The following GDPD4 variants were observed in gnomAD, a reference collection of about 807,000 sequenced individuals.
GDPD4 encodes the protein glycerophosphodiester phosphodiesterase 6.
A neutral mutation model predicts 67.8 loss-of-function variants in GDPD4; 60 were observed. The ratio of observed to expected loss-of-function variants is 0.88; its 90% CI spans 0.72 to 1.10. The LOEUF (loss-of-function observed/expected upper bound fraction) is 1.10, where lower values mean the gene tolerates loss of function less well. Among genes scored for constraint, GDPD4 ranks in the 50% least tolerant of loss-of-function variants. The pLI is 0.00. For missense variants in GDPD4, 623 were observed against 613.9 expected (o/e 1.01, Z -0.16); for synonymous variants, 212 against 210.9 (o/e 1.00, Z -0.04).
At position 77,258,507 on chromosome 11, in the gene GDPD4, T is replaced by A; in HGVS notation, c.743A>T (p.Asp248Val). Residue 248 changes from aspartate (D) to valine (V), a missense_variant, in exon 11 of 17, where the codon GAC becomes GTC. Coordinates refer to ENST00000315938, the MANE Select transcript of GDPD4 (RefSeq NM_182833.3). ...CCCAATATTGGTTGTTCTTTTCAGG[T>A]CAAAGTCATGCATGAGGAAAGGCAC... ...DHVPFLMHDF[D>V]LKRTTNIGEV... is the part of the protein sequence containing the mutation. The A allele has an allele frequency of 1.2e-6, 2 of 1,613,926 alleles. No individual in the cohort carries two copies. The highest frequency in any genetic ancestry group is 1.7e-6 in the Non-Finnish European group (2 of 1,179,886).
At chr11:77,286,549 C>A (rs188857766) in intron 2 of GDPD4, among the ~76,000 whole-genome samples, 13 of 152,274 alleles carry the variant, frequency 8.5e-5, no homozygotes, top group Non-Finnish European at 1.6e-4. Flanking sequence ...AATTAATGAC[C>A]CAACTGGTCT....
chr11:77,268,678 C>A, intron 9 of GDPD4, 139 bp from the exon 10 acceptor site: 2 of 763,470 alleles, frequency 2.6e-6, no homozygotes, highest in Non-Finnish European at 4.5e-6. Context: ...ACCTGTATAC[C>A]CTCCGTCCAA....
intron 5 of GDPD4, 37 bp downstream of exon 5, chr11:77,276,124 T>A: frequency 6.6e-7 from 1 of 1,512,360 alleles, no homozygotes. Flanking sequence ...GGTTCAGTCC[T>A]GGTCTAAGGT....
intron 8 of GDPD4, among the ~76,000 whole-genome samples, chr11:77,269,549 C>T (rs537050980): frequency 2.6e-5 from 4 of 152,302 alleles, no homozygotes; most frequent in Non-Finnish European, 4.4e-5. Flanking sequence ...AATTGTGTGA[C>T]TAAGGACAAC....
intron 5 of GDPD4, among the ~76,000 whole-genome samples, chr11:77,275,207 T>C (rs1959401688): frequency 6.6e-6 from 1 of 152,176 alleles, no homozygotes; most frequent in African/African-American, 2.4e-5. Flanking sequence ...TATGTATCAA[T>C]TTTTAAAAAC....
intron 13 of GDPD4, among the ~76,000 whole-genome samples, chr11:77,235,065 G>A (rs1958535047): frequency 8.9e-6 from 1 of 112,548 alleles, no homozygotes; most frequent in African/African-American, 3.2e-5. Flanking sequence ...CATTCTGACT[G>A]GTGTGAGATG....
intron 2 of GDPD4, among the ~76,000 whole-genome samples, chr11:77,286,546 G>A (rs1299138137): frequency 1.3e-5 from 2 of 152,122 alleles, no homozygotes; most frequent in Admixed American, 1.3e-4. Flanking sequence ...AGAAATTAAT[G>A]ACCCAACTGG....
intron 4 of GDPD4, among the ~76,000 whole-genome samples, chr11:77,278,675 A>C (rs1959603914): frequency 6.6e-6 from 1 of 152,214 alleles, no homozygotes; most frequent in Non-Finnish European, 1.5e-5. Context: ...AAATCAGAGA[A>C]AGTTATCTGC....
At chr11:77,295,566 G>T (rs4433591) in intron 1 of GDPD4, among the ~76,000 whole-genome samples, 3 of 151,778 alleles carry the variant, frequency 2.0e-5, no homozygotes, top group Admixed American at 6.6e-5. Context: ...GGGAGGTTGA[G>T]GCTGCAGCAA....
At chr11:77,296,258 A>G (rs2135898606) in intron 1 of GDPD4, among the ~76,000 whole-genome samples, 1 of 151,142 alleles carries the variant, frequency 6.6e-6, no homozygotes, top group South Asian at 2.1e-4. Context: ...CTCAAAAAAA[A>G]AAAAAAAAAA....
intron 15 of GDPD4, 81 bp downstream of exon 15, chr11:77,229,069 C>T (rs562817474): frequency 2.9e-5 from 19 of 656,054 alleles, no homozygotes; most frequent in African/African-American, 1.7e-4. Flanking sequence ...ACGGGAAGAG[C>T]GTAACTCTTA....
chr11:77,231,584 T>G (rs1958455355), intron 14 of GDPD4, among the ~76,000 whole-genome samples: 2 of 152,164 alleles, frequency 1.3e-5, no homozygotes, highest in South Asian at 4.1e-4. Flanking sequence ...CCTTTTAAAC[T>G]TTTTGATTTT....
intron 11 of GDPD4, among the ~76,000 whole-genome samples, chr11:77,248,917 C>T (rs1158073150): frequency 2.8e-5 from 4 of 140,764 alleles, no homozygotes; most frequent in African/African-American, 7.9e-5. Context: ...TTAGTAGAGA[C>T]GGTGTCACCA....
At chr11:77,223,621 G>A (rs11501931) in intron 16 of GDPD4, among the ~76,000 whole-genome samples, 9,827 of 152,142 alleles carry the variant, frequency 0.065, 1,106 homozygotes, top group African/African-American at 0.22. Flanking sequence ...TCTACTGGGC[G>A]GTGTCTCCCA....
chr11:77,274,819 C>A (rs1265498840), intron 5 of GDPD4, among the ~76,000 whole-genome samples: 1 of 151,988 alleles, frequency 6.6e-6, no homozygotes, highest in African/African-American at 2.4e-5. Flanking sequence ...TGTTCTCACT[C>A]ATATTTGGGA....
intron 15 of GDPD4, among the ~76,000 whole-genome samples, chr11:77,228,624 GC>G (rs2135826402): frequency 6.6e-6 from 1 of 151,876 alleles, no homozygotes; most frequent in African/African-American, 2.4e-5. Context: ...GCTGCAGTGA[GC>G]CGAGATCATG....
At chr11:77,270,492 C>T (rs952104834) in intron 7 of GDPD4, among the ~76,000 whole-genome samples, 11 of 151,984 alleles carry the variant, frequency 7.2e-5, no homozygotes, top group Admixed American at 1.3e-4. Context: ...CTGAGGCAGG[C>T]GGATCACGAG....
At chr11:77,232,315 C>T (rs1424357826) in intron 14 of GDPD4, among the ~76,000 whole-genome samples, 2 of 152,162 alleles carry the variant, frequency 1.3e-5, no homozygotes, top group East Asian at 1.9e-4. Flanking sequence ...ATCAATGCAG[C>T]GAAATTAAAC....
chr11:77,233,446 G>GAA (rs34507126), intron 13 of GDPD4, among the ~76,000 whole-genome samples: 31,528 of 99,908 alleles, frequency 0.32, 5,042 homozygotes, highest in Admixed American at 0.38. Flanking sequence ...AAAACATATT[G>GAA]AAAAAAAAAA....
Sources: gnomAD v4.1 joint callset for allele counts (sites outside exome capture counted in the v4.1 genomes callset) on GRCh38, gnomAD v4.1.1 for gene constraint, MANE v1.5 for transcripts, NCBI Gene and HGNC (gene_info 2026-07-23, HGNC 2026-07-21) for gene names.